Variants in NKAIN2 observed in about 807,000 individuals in gnomAD.
NKAIN2 encodes sodium/potassium transporting ATPase interacting 2.
In NKAIN2, 14 loss-of-function variants were observed where a neutral mutation model predicts 32.6. The observed-to-expected ratio is 0.43, with a 90% CI of 0.28 to 0.67. The LOEUF (loss-of-function observed/expected upper bound fraction) is 0.67. NKAIN2 is among the 30% of genes least tolerant of loss of function. The pLI, the probability that NKAIN2 is intolerant of heterozygous loss-of-function variation, is 0.17. For synonymous variants in NKAIN2, 80 were observed against 87.2 expected (o/e 0.92, Z 0.46); for missense variants, 198 against 258.3 (o/e 0.77, Z 1.60).
At chr6:124,085,963 T>C (rs900362296) in intron 1 of NKAIN2, among the ~76,000 whole-genome samples, 1 of 151,990 alleles carries the variant, frequency 6.6e-6, no homozygotes, top group Non-Finnish European at 1.5e-5. Flanking sequence ...TGGGCTTTCA[T>C]ACTAAACAGT....
chr6:124,808,516 C>T (rs1329366402), intron 5 of NKAIN2, among the ~76,000 whole-genome samples: 1 of 152,182 alleles, frequency 6.6e-6, no homozygotes, highest in Non-Finnish European at 1.5e-5. Context: ...GACAAACCCA[C>T]AGCCAATATC....
chr6:123,809,672 T>C (rs1773372120), intron 1 of NKAIN2, among the ~76,000 whole-genome samples: 1 of 152,170 alleles, frequency 6.6e-6, no homozygotes, highest in East Asian at 1.9e-4. Context: ...ATGCTTAATA[T>C]ATAAAGAAAT....
intron 3 of NKAIN2, among the ~76,000 whole-genome samples, chr6:124,625,444 A>ATGAT (rs1783282255): frequency 6.6e-6 from 1 of 152,168 alleles, no homozygotes; most frequent in African/African-American, 2.4e-5. Flanking sequence ...GCGAGAGCTT[A>ATGAT]TGATTCAAAG....
Position 124,644,467 on chromosome 6 carries a change from C to T in NKAIN2, c.274-13719C>T, listed in dbSNP as rs9491207. ...TTGCCCAGGCTGGAGGGTAGTGGCA[C>T]GATTTCGGCTTACTGAAACCTCCGC... On this transcript the variant is annotated intron_variant, in intron 3 of 6. Coordinates refer to ENST00000368417, the MANE Select transcript of NKAIN2 (RefSeq NM_001040214.3). Among the ~76,000 whole-genome samples the T allele has an allele frequency of 8.2e-3, 1,244 of 151,174 alleles. 20 individuals carry two copies. Among genetic ancestry groups the T allele is most frequent in the African/African-American group, 0.029 (1,196 of 41,130 alleles).
At chr6:124,366,646 A>G (rs906756864) in intron 3 of NKAIN2, among the ~76,000 whole-genome samples, 6 of 152,084 alleles carry the variant, frequency 3.9e-5, no homozygotes, top group African/African-American at 1.2e-4. Context: ...ACTGAACTCA[A>G]ATGTAATAGG....
intron 1 of NKAIN2, among the ~76,000 whole-genome samples, chr6:124,252,086 T>A (rs1243429266): frequency 4.6e-5 from 7 of 152,040 alleles, no homozygotes; most frequent in Non-Finnish European, 5.9e-5. Context: ...AATATACATA[T>A]AACGGTAACA....
At chr6:124,761,380 G>A (rs535694433) in intron 4 of NKAIN2, among the ~76,000 whole-genome samples, 8 of 152,166 alleles carry the variant, frequency 5.3e-5, no homozygotes, top group East Asian at 1.9e-4. Flanking sequence ...TTCATACCAC[G>A]TTTCCTTTTA....
intron 1 of NKAIN2, among the ~76,000 whole-genome samples, chr6:124,100,616 A>C (rs1784839457): frequency 6.6e-6 from 1 of 152,238 alleles, no homozygotes; most frequent in African/African-American, 2.4e-5. Flanking sequence ...TTTCTATCAT[A>C]CATTTACCTC....
At chr6:124,321,494 GT>G (rs1797191480) in intron 2 of NKAIN2, among the ~76,000 whole-genome samples, 1 of 152,126 alleles carries the variant, frequency 6.6e-6, no homozygotes, top group Non-Finnish European at 1.5e-5. Context: ...GTTTTGCTAA[GT>G]CATAAATAAA....
At chr6:124,815,219 TATATAC>T (rs368354483) in intron 5 of NKAIN2, among the ~76,000 whole-genome samples, 6 of 103,232 alleles carry the variant, frequency 5.8e-5, no homozygotes, top group African/African-American at 2.9e-4. Flanking sequence ...TTAAACTATA[TATATAC>T]ATATATATAT....
chr6:123,941,200 T>A (rs946296231), intron 1 of NKAIN2, among the ~76,000 whole-genome samples: 2 of 151,846 alleles, frequency 1.3e-5, no homozygotes, highest in African/African-American at 4.8e-5. Context: ...GTAGAGCTGA[T>A]AACAAGTCTG....
At chr6:123,919,348 A>C (rs1456489394) in intron 1 of NKAIN2, among the ~76,000 whole-genome samples, 2 of 152,022 alleles carry the variant, frequency 1.3e-5, no homozygotes, top group Non-Finnish European at 2.9e-5. Context: ...ATGTTTATTA[A>C]ATATATTTAA....
intron 1 of NKAIN2, among the ~76,000 whole-genome samples, chr6:123,810,038 A>G (rs1429499046): frequency 6.6e-6 from 1 of 152,150 alleles, no homozygotes; most frequent in Non-Finnish European, 1.5e-5. Flanking sequence ...GAAAACTATT[A>G]TTTATTGGAA....
intron 1 of NKAIN2, among the ~76,000 whole-genome samples, chr6:124,232,689 C>T (rs1792522534): frequency 6.6e-6 from 1 of 152,056 alleles, no homozygotes. Context: ...GTAAAATATG[C>T]CCCAATAGAA....
At chr6:123,883,997 G>T (rs1773592488) in intron 1 of NKAIN2, among the ~76,000 whole-genome samples, 1 of 151,584 alleles carries the variant, frequency 6.6e-6, no homozygotes, top group Non-Finnish European at 1.5e-5. Flanking sequence ...TACAAGTGCA[G>T]GTTTGTTACA....
intron 4 of NKAIN2, among the ~76,000 whole-genome samples, chr6:124,788,022 T>C (rs1779580153): frequency 6.6e-6 from 1 of 152,114 alleles, no homozygotes; most frequent in African/African-American, 2.4e-5. Context: ...AAGTGTCCAA[T>C]CTACTGTTTG....
intron 3 of NKAIN2, among the ~76,000 whole-genome samples, chr6:124,507,432 T>C (rs1423902359): frequency 6.6e-6 from 1 of 152,132 alleles, no homozygotes; most frequent in Non-Finnish European, 1.5e-5. Context: ...TATGGGAAAA[T>C]TTTTATTCTT....
chr6:124,040,195 A>T (rs1225781550), intron 1 of NKAIN2, among the ~76,000 whole-genome samples: 2 of 151,992 alleles, frequency 1.3e-5, no homozygotes, highest in Non-Finnish European at 1.5e-5. Flanking sequence ...TATTATTTTC[A>T]TACGTTGTGC....
At chr6:124,408,511 A>G (rs1416089467) in intron 3 of NKAIN2, among the ~76,000 whole-genome samples, 1 of 152,146 alleles carries the variant, frequency 6.6e-6, no homozygotes, top group East Asian at 1.9e-4. Flanking sequence ...AGTTGTAGAT[A>G]TGCGGCATTA....
Sources: allele counts gnomAD v4.1 joint callset (sites outside exome capture counted in the v4.1 genomes callset), GRCh38; gene constraint gnomAD v4.1.1; transcripts MANE v1.5; gene names NCBI Gene and HGNC (gene_info 2026-07-23, HGNC 2026-07-21).